S1PR3: variants seen among roughly 807,000 people sequenced by gnomAD.
S1PR3 encodes sphingosine 1-phosphate receptor 3.
S1PR3 carries 12 observed loss-of-function variants against 13.3 expected under a neutral mutation model. The ratio of observed to expected loss-of-function variants is 0.90; its 90% CI spans 0.58 to 1.46. The LOEUF is 1.46. Ranked by LOEUF, S1PR3 falls within the 40% of genes most tolerant of loss-of-function variation. S1PR3 has a pLI of 0.00. For missense variants in S1PR3, 450 were observed against 501.9 expected (o/e 0.90, Z 0.99); for synonymous variants, 232 against 214.0 (o/e 1.08, Z -0.73).
chr9:89,002,151 G>C lies in S1PR3; in HGVS notation c.951G>C (p.Leu317=). ...TCTTCCGTCTGGTCTGCAACTGCCT[G>C]GTCAGGGGACGGGGGGCCCGCGCCT... ...RAFFRLVCNC[L]VRGRGARASP... Residue 317 remains leucine, a synonymous_variant, in exon 2 of 2, where the codon CTG becomes CTC. Transcript: ENST00000358157. The C allele has an allele frequency of 6.2e-7, 1 of 1,613,852 alleles. No individual in the cohort carries two copies. The highest frequency in any genetic ancestry group is 8.5e-7 in the Non-Finnish European group (1 of 1,180,028).
Position 89,002,652 on chromosome 9 carries a change from T to G in S1PR3, c.*315T>G. 1 of 410,020 alleles carries G rather than the reference T, an allele frequency of 2.4e-6. No homozygotes were observed. The highest frequency in any genetic ancestry group is 4.6e-6 in the Non-Finnish European group (1 of 215,990). The allele number at this position is 410,020 out of a possible 1,614,324, so 25.4% of individuals were successfully genotyped here. A position where few individuals can be genotyped will look rare whatever the true frequency, so the allele number is the denominator to read the frequency against. ...GGGAAGGTCGTGGGCCACACAATGC[T>G]GTGTGACCCTCTCCGTGTGCCTCTG... On this transcript the variant is annotated 3_prime_UTR_variant, in exon 2 of 2. Coordinates refer to ENST00000358157, the MANE Select transcript of S1PR3 (RefSeq NM_005226.4).
intron 1 of S1PR3, chr9:88,996,953 G>C (rs976138554): frequency 1.3e-5 from 2 of 152,194 alleles, no homozygotes; most frequent in Non-Finnish European, 2.9e-5. Context: ...TCCATGAGAT[G>C]CTTTTAACCG....
intron 1 of S1PR3, chr9:89,000,045 A>C (rs1017343974): frequency 2.0e-5 from 3 of 152,200 alleles, no homozygotes; most frequent in African/African-American, 7.2e-5. Flanking sequence ...AAAATAAAAT[A>C]AGTGAGTCCA....
intron 1 of S1PR3, chr9:88,996,426 G>C (rs1459512927): frequency 1.3e-5 from 2 of 152,158 alleles, no homozygotes; most frequent in Non-Finnish European, 2.9e-5. Context: ...AATGAATAGA[G>C]GGTAGTGTAT....
At position 89,002,135 on chromosome 9, in the gene S1PR3, T is replaced by C; in HGVS notation, c.935T>C (p.Leu312Pro). Residue 312 changes from leucine (L) to proline (P), a missense_variant, in exon 2 of 2, where the codon CTG becomes CCG. Physicochemically the swap from Leu to Pro is moderately conservative, Grantham distance 98. Transcript: ENST00000358157. ...GAGATGCGGCGGGCCTTCTTCCGTC[T>C]GGTCTGCAACTGCCTGGTCAGGGGA... is the stretch of plus-strand genomic sequence containing the variant. Reference protein sequence around the residue: ...SKEMRRAFFRLVCNCLVRGRG... With the variant: ...SKEMRRAFFRPVCNCLVRGRG... 6.2e-7 allele frequency: 1 copy of C among 1,613,866 alleles called. No homozygotes were observed. Among genetic ancestry groups the C allele is most frequent in the Non-Finnish European group, 8.5e-7 (1 of 1,180,024 alleles).
At position 89,003,764 on chromosome 9, in the gene S1PR3, A is replaced by C. The variant is rs1825899001; in HGVS notation, c.*1427A>C. ...CCATCAGAGTCCCCTAAAGTATTTTAGGTTCAGTGAGCATTTGCCTGAATA... is the reference window on the plus strand; with the variant it reads ...CCATCAGAGTCCCCTAAAGTATTTTCGGTTCAGTGAGCATTTGCCTGAATA... On this transcript the variant is annotated 3_prime_UTR_variant, in exon 2 of 2. Coordinates refer to ENST00000358157, the MANE Select transcript of S1PR3 (RefSeq NM_005226.4). 6.0e-6 allele frequency: 1 copy of C among 166,206 alleles called. No individual in the cohort carries two copies. Among genetic ancestry groups the C allele is most frequent in the African/African-American group, 2.4e-5 (1 of 41,480 alleles). 10.3% of individuals were successfully genotyped at this position (166,206 alleles called of 1,614,324 possible). A position where few individuals can be genotyped will look rare whatever the true frequency, so the allele number is the denominator to read the frequency against.
rs148240383 is a variant in S1PR3 at position 89,003,314 on chromosome 9, A to G, written c.*977A>G. ...TTGATTCTATGTTGAGTTTGTTTCTATATTAGAAAAGCAGCAAGTCAGTAA... is the reference window on the plus strand; with the variant it reads ...TTGATTCTATGTTGAGTTTGTTTCTGTATTAGAAAAGCAGCAAGTCAGTAA... On this transcript the variant is annotated 3_prime_UTR_variant, in exon 2 of 2. Coordinates refer to ENST00000358157, the MANE Select transcript of S1PR3 (RefSeq NM_005226.4). 3.0e-4 allele frequency: 50 copies of G among 167,262 alleles called. No homozygotes were observed. The highest frequency in any genetic ancestry group is 1.1e-3 in the African/African-American group (44 of 41,600). The allele number at this position is 167,262 out of a possible 1,614,324, so 10.4% of individuals were successfully genotyped here. A position where few individuals can be genotyped will look rare whatever the true frequency, so the allele number is the denominator to read the frequency against.
At chr9:88,993,790 T>A (rs1564058631) in intron 1 of S1PR3, 1 of 152,210 alleles carries the variant, frequency 6.6e-6, no homozygotes, top group African/African-American at 2.4e-5. Context: ...TTTGAGGCAT[T>A]GAAGCTGTGT....
intron 1 of S1PR3, chr9:88,995,697 A>AGTAAGTTTACTGAT (rs1269960592): frequency 1.4e-4 from 24 of 167,150 alleles, no homozygotes; most frequent in African/African-American, 5.8e-4. Flanking sequence ...AGATGTAAGC[A>AGTAAGTTTACTGAT]GTGTCTCTCA....
At position 89,001,909 on chromosome 9, in the gene S1PR3, C is replaced by T. The variant is rs1376639224; in HGVS notation, c.709C>T (p.Arg237Trp). 8.1e-6 allele frequency: 13 copies of T among 1,614,102 alleles called. No individual in the cohort carries two copies. The highest frequency in any genetic ancestry group is 4.5e-5 in the East Asian group (2 of 44,884). The part of the protein sequence containing the change: ...RKVANHNNSE[R>W]SMALLRTVVI... ...GGTGGCCAACCACAACAACTCGGAG[C>T]GGTCCATGGCACTGCTGCGGACCGT... The change falls in exon 2 of 2, where the codon CGG (arginine) becomes TGG (tryptophan). Residue 237 changes from arginine (R) to tryptophan (W), a missense_variant. Transcript: ENST00000358157.
chr9:88,993,817 G>T (rs1287617395), intron 1 of S1PR3: 1 of 152,148 alleles, frequency 6.6e-6, no homozygotes, highest in Non-Finnish European at 1.5e-5. Context: ...GAGACAATAG[G>T]CCAGTTGGGT....
At chr9:88,999,201 C>G (rs1312666603) in intron 1 of S1PR3, 3 of 152,826 alleles carry the variant, frequency 2.0e-5, no homozygotes, top group African/African-American at 4.8e-5. Context: ...CAGGGCAGTT[C>G]CAGGCAGAGC....
Position 89,001,636 on chromosome 9 carries a change from T to G in S1PR3, c.436T>G (p.Tyr146Asp), listed in dbSNP as rs1232723825. The change falls in exon 2 of 2, where the codon TAC becomes GAC. Residue 146 changes from tyrosine (Y) to aspartate (D), a missense_variant. Physicochemically the swap from Tyr to Asp is radical, Grantham distance 160. Transcript: ENST00000358157. The stretch of plus-strand genomic sequence containing the variant: ...CTTGACAATGATCAAAATGAGGCCT[T>G]ACGACGCCAACAAGAGGCACCGCGT... ...RHLTMIKMRP[Y>D]DANKRHRVFL... The G allele has an allele frequency of 6.2e-7, 1 of 1,614,096 alleles. No individual in the cohort carries two copies. Among genetic ancestry groups the G allele is most frequent in the African/African-American group, 1.3e-5 (1 of 74,940 alleles).
At position 88,991,923 on chromosome 9, in the gene S1PR3, A is replaced by T; in HGVS notation, c.-148+228A>T. On this transcript the variant is annotated intron_variant, in intron 1 of 1. Transcript: ENST00000358157. The surrounding 1 kb of genome is among the most constrained non-coding windows in gnomAD (Gnocchi z 4.0). The stretch of plus-strand genomic sequence containing the variant: ...CGTTTACAACGGGCTGGAGCTGAAT[A>T]CCTGGATGAAAGTGGAGAGGCTGTT... 1 of 1,614,182 alleles carries T rather than the reference A, an allele frequency of 6.2e-7. No individual in the cohort carries two copies. Among genetic ancestry groups the T allele is most frequent in the Non-Finnish European group, 8.5e-7 (1 of 1,180,036 alleles).
upstream of S1PR3, chr9:88,991,348 G>A (rs1342681639): frequency 3.1e-6 from 4 of 1,311,280 alleles, no homozygotes; most frequent in Non-Finnish European, 4.2e-6. This position sits in a 1 kb window ranked among gnomAD's most constrained non-coding sequence, Gnocchi z 4.0. Context: ...TTCGCGGGCG[G>A]GGGACGGGGA....
intron 1 of S1PR3, chr9:88,994,589 G>C (rs769385625): frequency 6.0e-6 from 1 of 166,406 alleles, no homozygotes; most frequent in Non-Finnish European, 1.5e-5. Flanking sequence ...TGGCTCAGAC[G>C]CACTTGCCTT....
At position 89,002,152 on chromosome 9, in the gene S1PR3, G is replaced by A. The variant is rs750461468; in HGVS notation, c.952G>A (p.Val318Ile). The change falls in exon 2 of 2, where the codon GTC becomes ATC. Residue 318 changes from valine (V) to isoleucine (I), a missense_variant. Coordinates refer to ENST00000358157, the MANE Select transcript of S1PR3 (RefSeq NM_005226.4). ...CTTCCGTCTGGTCTGCAACTGCCTGGTCAGGGGACGGGGGGCCCGCGCCTC... is the reference window on the plus strand; with the variant it reads ...CTTCCGTCTGGTCTGCAACTGCCTGATCAGGGGACGGGGGGCCCGCGCCTC... ...AFFRLVCNCLVRGRGARASPI... is the reference protein window; with the variant it reads ...AFFRLVCNCLIRGRGARASPI... The A allele has an allele frequency of 1.2e-6, 2 of 1,613,856 alleles. No homozygotes were observed. The highest frequency in any genetic ancestry group is 1.7e-5 in the Admixed American group (1 of 60,014).
At chr9:88,995,642 C>T (rs2118589699) in intron 1 of S1PR3, 1 of 167,186 alleles carries the variant, frequency 6.0e-6, no homozygotes, top group Admixed American at 6.5e-5. Context: ...GACATGAAAA[C>T]CCTTAGCTAA....
rs1403933668 is a variant in S1PR3, at chr9:89,002,390, G to C, written c.*53G>C. ...TGTGTTCTTATTTATTGCATGCGTC[G>C]CTTCCACAGGGGCCCCTCAAGAGCT... On this transcript the variant is annotated 3_prime_UTR_variant, in exon 2 of 2. Coordinates refer to ENST00000358157, the MANE Select transcript of S1PR3 (RefSeq NM_005226.4). 5 of 1,563,960 alleles carry C rather than the reference G, an allele frequency of 3.2e-6. No individual in the cohort carries two copies. The highest frequency in any genetic ancestry group is 1.4e-5 in the African/African-American group (1 of 74,066).
Sources: allele counts gnomAD v4.1 joint callset, GRCh38; gene constraint gnomAD v4.1.1; non-coding constraint Gnocchi (gnomAD v3.1); transcripts MANE v1.5; gene names NCBI Gene and HGNC (gene_info 2026-07-23, HGNC 2026-07-21).